The following CSMD1 variants were observed in gnomAD, a reference collection of about 807,000 sequenced individuals.
CSMD1 encodes CUB and sushi domain-containing protein 1.
In CSMD1, 213 loss-of-function variants were observed where a neutral mutation model predicts 417.5. That is an observed-to-expected ratio of 0.51 (90% CI 0.46 to 0.57). The LOEUF (loss-of-function observed/expected upper bound fraction) is 0.57, where lower values mean the gene tolerates loss of function less well. Among genes scored for constraint, CSMD1 ranks in the 20% least tolerant of loss-of-function variants. The pLI, the probability that CSMD1 is intolerant of heterozygous loss-of-function variation, is 0.00. For synonymous variants in CSMD1, 2,862 were observed against 1,736.8 expected (o/e 1.65, Z -16.11); for missense variants, 6,923 against 4,529.7 (o/e 1.53, Z -15.17).
At chr8:3,314,495 A>T (rs1171374632) in intron 23 of CSMD1, among the ~76,000 whole-genome samples, 1 of 152,198 alleles carries the variant, frequency 6.6e-6, no homozygotes, top group Non-Finnish European at 1.5e-5. Flanking sequence ...TGCTCTAGAA[A>T]CTTTAAAAAA....
intron 3 of CSMD1, among the ~76,000 whole-genome samples, chr8:4,074,627 A>G (rs1375584236): frequency 6.6e-6 from 1 of 152,138 alleles, no homozygotes; most frequent in Non-Finnish European, 1.5e-5. Flanking sequence ...TTTGGGCAGA[A>G]CTCACTTTTA....
intron 3 of CSMD1, among the ~76,000 whole-genome samples, chr8:4,128,765 A>T (rs1802915265): frequency 6.6e-6 from 1 of 152,020 alleles, no homozygotes; most frequent in East Asian, 1.9e-4. Flanking sequence ...CCTCACACCC[A>T]CACACCATCA....
intron 1 of CSMD1, among the ~76,000 whole-genome samples, chr8:4,855,861 C>T (rs1314625876): frequency 6.6e-6 from 1 of 150,798 alleles, no homozygotes; most frequent in Non-Finnish European, 1.5e-5. Flanking sequence ...TCCAGGAGAA[C>T]TTCCCCAATC....
chr8:4,305,701 C>T (rs1436526788), intron 3 of CSMD1, among the ~76,000 whole-genome samples: 1 of 152,172 alleles, frequency 6.6e-6, no homozygotes, highest in Non-Finnish European at 1.5e-5. Context: ...TGTCCTCCTG[C>T]AAAGATGGAA....
chr8:3,971,865 G>C (rs897967956), intron 5 of CSMD1, among the ~76,000 whole-genome samples: 15 of 152,040 alleles, frequency 9.9e-5, no homozygotes, highest in Admixed American at 1.3e-4. Flanking sequence ...GTATCTACTA[G>C]GTTTCTGTTT....
chr8:3,586,275 A>C lies in CSMD1; in HGVS notation c.1098-15T>G. The C allele has an allele frequency of 6.6e-7, 1 of 1,506,902 alleles. No individual in the cohort carries two copies. Among genetic ancestry groups the C allele is most frequent in the Non-Finnish European group, 8.8e-7 (1 of 1,134,362 alleles). The allele number at this position is 1,506,902 out of a possible 1,614,324, so 93.3% of individuals were successfully genotyped here. ...TTGCACCAACCCTAAGCCGTTAAAAAAGAAAAAAAAAAACCCAAATTATTT... is the reference window on the plus strand; with the variant it reads ...TTGCACCAACCCTAAGCCGTTAAAACAGAAAAAAAAAAACCCAAATTATTT... On this transcript the variant is annotated splice_polypyrimidine_tract_variant and intron_variant, in intron 8 of 69. Transcript: ENST00000635120.
intron 5 of CSMD1, among the ~76,000 whole-genome samples, chr8:3,873,394 T>C (rs937792436): frequency 6.6e-6 from 1 of 152,176 alleles, no homozygotes; most frequent in African/African-American, 2.4e-5. Context: ...TGAGATCATG[T>C]CCTTGGCAGG....
chr8:4,034,737 A>T (rs1307575176), intron 3 of CSMD1, among the ~76,000 whole-genome samples: 3 of 152,244 alleles, frequency 2.0e-5, no homozygotes, highest in Admixed American at 6.5e-5. Context: ...AATGTCCAGG[A>T]ATATTTAAAA....
At chr8:3,310,957 G>A (rs1476937745) in intron 23 of CSMD1, among the ~76,000 whole-genome samples, 1 of 152,174 alleles carries the variant, frequency 6.6e-6, no homozygotes, top group Non-Finnish European at 1.5e-5. Context: ...AAACACATCT[G>A]CTGGGGATGA....
intron 2 of CSMD1, among the ~76,000 whole-genome samples, chr8:4,468,515 TTTC>T (rs1284832222): frequency 6.6e-6 from 1 of 152,200 alleles, no homozygotes; most frequent in Non-Finnish European, 1.5e-5. Flanking sequence ...TACTTTTCTA[TTTC>T]TTCTTACATG....
At chr8:3,827,960 T>G (rs1165994452) in intron 5 of CSMD1, among the ~76,000 whole-genome samples, 1 of 152,214 alleles carries the variant, frequency 6.6e-6, no homozygotes, top group African/African-American at 2.4e-5. Flanking sequence ...CTGACATTGC[T>G]AACCAAATAG....
At chr8:3,362,983 C>A (rs893983242) in intron 20 of CSMD1, among the ~76,000 whole-genome samples, 2 of 152,230 alleles carry the variant, frequency 1.3e-5, no homozygotes, top group Non-Finnish European at 2.9e-5. Flanking sequence ...TGGCTTCATG[C>A]AACATCCTGA....
chr8:4,935,457 C>A (rs980997704), intron 1 of CSMD1, among the ~76,000 whole-genome samples: 5 of 152,170 alleles, frequency 3.3e-5, no homozygotes, highest in South Asian at 2.1e-4. Flanking sequence ...CTAACAGTTA[C>A]CAGAAATCAG....
At chr8:3,754,332 T>C (rs1387292110) in intron 5 of CSMD1, among the ~76,000 whole-genome samples, 1 of 152,210 alleles carries the variant, frequency 6.6e-6, no homozygotes, top group African/African-American at 2.4e-5. Context: ...GATCTCTTAG[T>C]TCTTTTCATC....
chr8:4,534,971 C>G (rs1165048466), intron 2 of CSMD1, among the ~76,000 whole-genome samples: 1 of 151,976 alleles, frequency 6.6e-6, no homozygotes, highest in Non-Finnish European at 1.5e-5. Context: ...CCATGTTAGC[C>G]AGGATGGTCT....
At chr8:4,479,923 G>T (rs1292772431) in intron 2 of CSMD1, among the ~76,000 whole-genome samples, 1 of 150,068 alleles carries the variant, frequency 6.7e-6, no homozygotes, top group Non-Finnish European at 1.5e-5. Context: ...CCGAGATGGA[G>T]CCACTGCATT....
At chr8:3,967,912 A>G (rs1812796592) in intron 5 of CSMD1, among the ~76,000 whole-genome samples, 1 of 151,226 alleles carries the variant, frequency 6.6e-6, no homozygotes, top group South Asian at 2.1e-4. Flanking sequence ...TCACACGTGT[A>G]ATCCCAGCAC....
intron 25 of CSMD1, among the ~76,000 whole-genome samples, chr8:3,292,918 G>T (rs146634127): frequency 2.0e-5 from 3 of 151,878 alleles, no homozygotes; most frequent in Non-Finnish European, 4.4e-5. Flanking sequence ...TTTCTTCCTA[G>T]TCTCGATGGT....
Position 4,447,749 on chromosome 8 carries a change from ACT to A in CSMD1, c.303-27686_303-27685del, listed in dbSNP as rs138638729. On this transcript the variant is annotated intron_variant, in intron 2 of 69. Transcript: ENST00000635120. ...TTAAGTCTCCAAATTAAGATTTAAG[ACT>A]CTTTTGCAGTTATGTATCAAGTGTT... 3.0e-3 allele frequency among the ~76,000 whole-genome samples: 454 copies of A among 152,264 alleles called. 2 individuals carry two copies. Among genetic ancestry groups the A allele is most frequent in the African/African-American group, 0.01 (428 of 41,542 alleles).
Sources: gnomAD v4.1 joint callset for allele counts (sites outside exome capture counted in the v4.1 genomes callset) on GRCh38, gnomAD v4.1.1 for gene constraint, MANE v1.5 for transcripts, NCBI Gene and HGNC (gene_info 2026-07-23, HGNC 2026-07-21) for gene names.